The following NLK variants were observed in gnomAD, a reference collection of about 807,000 sequenced individuals.
NLK encodes the protein nemo like kinase.
Under a neutral mutation model 59.0 loss-of-function variants are expected in NLK, and 11 were observed. The observed-to-expected ratio is 0.19, with a 90% CI of 0.12 to 0.31. The LOEUF is 0.31. NLK is among the 10% of genes least tolerant of loss of function. The pLI, the probability that NLK is intolerant of heterozygous loss-of-function variation, is 1.00. For missense variants in NLK, 410 were observed against 661.1 expected (o/e 0.62, Z 4.16); for synonymous variants, 235 against 235.9 (o/e 1.00, Z 0.03).
At chr17:28,141,811 T>C (rs776545506) in intron 3 of NLK, among the ~76,000 whole-genome samples, 8 of 152,202 alleles carry the variant, frequency 5.3e-5, no homozygotes, top group Non-Finnish European at 1.2e-4. Flanking sequence ...AAGAAATTGA[T>C]ACAGTAAAAT....
intron 1 of NLK, among the ~76,000 whole-genome samples, chr17:28,070,198 C>T (rs1033124689): frequency 6.6e-6 from 1 of 151,442 alleles, no homozygotes; most frequent in Non-Finnish European, 1.5e-5. Context: ...ATCGCACCAC[C>T]GCGCTCCAGC....
At chr17:28,110,324 C>T (rs1905410545) in intron 1 of NLK, among the ~76,000 whole-genome samples, 1 of 152,076 alleles carries the variant, frequency 6.6e-6, no homozygotes, top group Non-Finnish European at 1.5e-5. Context: ...ATATGGCATT[C>T]CACTGCCTTT....
intron 2 of NLK, among the ~76,000 whole-genome samples, chr17:28,124,556 C>T (rs1185416850): frequency 1.3e-5 from 2 of 151,984 alleles, no homozygotes; most frequent in Non-Finnish European, 2.9e-5. Context: ...AAACAAAATA[C>T]CACTTGAGTT....
chr17:28,058,419 G>A (rs1267780736), intron 1 of NLK, among the ~76,000 whole-genome samples: 2 of 152,156 alleles, frequency 1.3e-5, no homozygotes, highest in African/African-American at 2.4e-5. Flanking sequence ...ACTCATTCTT[G>A]AAGACAATCT....
intron 3 of NLK, among the ~76,000 whole-genome samples, chr17:28,134,681 C>T (rs1906665278): frequency 6.6e-6 from 1 of 152,178 alleles, no homozygotes; most frequent in Non-Finnish European, 1.5e-5. Flanking sequence ...TGGAGTTAAT[C>T]CTTTTGTGCA....
downstream of NLK, among the ~76,000 whole-genome samples, chr17:28,197,783 AAG>A (rs1190261420): frequency 1.3e-5 from 2 of 152,052 alleles, no homozygotes; most frequent in African/African-American, 4.8e-5. Flanking sequence ...ATATTAAAAT[AAG>A]AATAGAATGC....
At chr17:28,160,675 T>C (rs1907970534) in intron 3 of NLK, among the ~76,000 whole-genome samples, 1 of 152,200 alleles carries the variant, frequency 6.6e-6, no homozygotes, top group South Asian at 2.1e-4. Flanking sequence ...GAGACTTAAC[T>C]AATTATTTTA....
At chr17:28,097,765 C>CT (rs1413341351) in intron 1 of NLK, among the ~76,000 whole-genome samples, 3 of 152,092 alleles carry the variant, frequency 2.0e-5, no homozygotes, top group Non-Finnish European at 4.4e-5. Flanking sequence ...ATGATTGACT[C>CT]TAAGTTTTAG....
intron 1 of NLK, among the ~76,000 whole-genome samples, chr17:28,113,817 G>A (rs1905632113): frequency 6.6e-6 from 1 of 152,020 alleles, no homozygotes; most frequent in Admixed American, 6.6e-5. Context: ...TAATTCAAAC[G>A]CCTCTGACAC....
chr17:28,133,869 T>G (rs1278124896), intron 3 of NLK, among the ~76,000 whole-genome samples: 5 of 152,158 alleles, frequency 3.3e-5, no homozygotes, highest in Non-Finnish European at 7.3e-5. Context: ...CATATGAGAT[T>G]GTTATCTTTG....
chr17:28,077,147 C>A (rs1910197490), intron 1 of NLK, among the ~76,000 whole-genome samples: 1 of 138,590 alleles, frequency 7.2e-6, no homozygotes, highest in South Asian at 2.3e-4. Context: ...CCTTTCCCTG[C>A]CTTCTTTCCT....
Position 28,141,125 on chromosome 17 carries a change from T to C in NLK, c.644+8450T>C, listed in dbSNP as rs1239304072. Among the ~76,000 whole-genome samples the C allele has an allele frequency of 3.9e-5, 6 of 152,298 alleles. No homozygotes were observed. In the South Asian group the frequency reaches 8.3e-4, roughly 21 times the overall value. On this transcript the variant is annotated intron_variant, in intron 3 of 10. Transcript: ENST00000407008. ...TTAGAAAGTGGGTACTGTGAACAAATGTATTAGGCACTATGTTGTATCATC... is the reference window on the plus strand; with the variant it reads ...TTAGAAAGTGGGTACTGTGAACAAACGTATTAGGCACTATGTTGTATCATC...
At position 28,150,599 on chromosome 17, in the gene NLK, G is replaced by C. The variant is rs34275207; in HGVS notation, c.645-10561G>C. Among the ~76,000 whole-genome samples the C allele has an allele frequency of 3.4e-3, 516 of 151,912 alleles. 3 individuals carry two copies. The highest frequency in any genetic ancestry group is 0.012 in the African/African-American group (488 of 41,222). ...AATTAACTCTTTAAAACAATACAGA[G>C]ACATTGTTACTTCTCTTGGGCACCT... On this transcript the variant is annotated intron_variant, in intron 3 of 10. Coordinates refer to ENST00000407008, the MANE Select transcript of NLK (RefSeq NM_016231.5).
chr17:28,140,085 A>G (rs1033980834), intron 3 of NLK, among the ~76,000 whole-genome samples: 3 of 152,144 alleles, frequency 2.0e-5, no homozygotes, highest in Non-Finnish European at 4.4e-5. Context: ...AGATGGTGAG[A>G]GTAAGTATCA....
intron 3 of NLK, among the ~76,000 whole-genome samples, chr17:28,157,664 GA>G (rs1907829226): frequency 6.6e-6 from 1 of 152,062 alleles, no homozygotes; most frequent in South Asian, 2.1e-4. Flanking sequence ...TTAAAAAAAA[GA>G]ATAAGAAGAT....
At chr17:28,122,048 C>A (rs35246686) in intron 1 of NLK, among the ~76,000 whole-genome samples, 221 of 152,270 alleles carry the variant, frequency 1.5e-3, no homozygotes, top group Middle Eastern at 6.8e-3. Flanking sequence ...TCGGGAGCTA[C>A]AGGGATCCCT....
chr17:28,099,568 C>CTTTTTTTTTTT (rs945214545), intron 1 of NLK, among the ~76,000 whole-genome samples: 15 of 122,934 alleles, frequency 1.2e-4, no homozygotes, highest in African/African-American at 5.0e-4. Flanking sequence ...TTGTGTTTGA[C>CTTTTTTTTTTT]TTTTTTTTTT....
intron 3 of NLK, among the ~76,000 whole-genome samples, chr17:28,134,838 A>G (rs576234918): frequency 4.6e-5 from 7 of 152,292 alleles, no homozygotes; most frequent in Admixed American, 4.6e-4. Context: ...TCTTATTTTA[A>G]AAGTACAAAA....
intron 6 of NLK, among the ~76,000 whole-genome samples, chr17:28,168,992 TCTC>T (rs1156606897): frequency 3.3e-5 from 5 of 152,116 alleles, no homozygotes; most frequent in African/African-American, 1.2e-4. Flanking sequence ...TTCAAGCGAT[TCTC>T]CTGCCTCAGC....
Sources: allele counts gnomAD v4.1 joint callset (sites outside exome capture counted in the v4.1 genomes callset), GRCh38; gene constraint gnomAD v4.1.1; transcripts MANE v1.5; gene names NCBI Gene and HGNC (gene_info 2026-07-23, HGNC 2026-07-21).